The following ITGAE variants were observed in gnomAD, a reference collection of about 807,000 sequenced individuals.
ITGAE encodes integrin subunit alpha E.
In ITGAE, 99 loss-of-function variants were observed where a neutral mutation model predicts 136.5. That is an observed-to-expected ratio of 0.73 (90% CI 0.62 to 0.86). The LOEUF (loss-of-function observed/expected upper bound fraction) is 0.86, where lower values mean the gene tolerates loss of function less well. Ranked by LOEUF, ITGAE falls within the 40% of genes least tolerant of loss-of-function variation. The pLI is 0.00. For missense variants in ITGAE, 1,447 were observed against 1,515.3 expected (o/e 0.95, Z 0.75); for synonymous variants, 613 against 591.8 (o/e 1.04, Z -0.52).
At chr17:3,778,078 G>A (rs1488306893) in intron 1 of ITGAE, among the ~76,000 whole-genome samples, 2 of 151,962 alleles carry the variant, frequency 1.3e-5, no homozygotes, top group African/African-American at 2.4e-5. Flanking sequence ...ACGAGAAAAC[G>A]TATCCCCAAA....
chr17:3,781,507 C>T (rs1002395985), intron 1 of ITGAE, among the ~76,000 whole-genome samples: 4 of 152,048 alleles, frequency 2.6e-5, no homozygotes, highest in African/African-American at 7.2e-5. Context: ...TACAGGCACC[C>T]GCCATCATGC....
chr17:3,790,012 G>C (rs1424589627), intron 1 of ITGAE, among the ~76,000 whole-genome samples: 1 of 152,048 alleles, frequency 6.6e-6, no homozygotes, highest in Non-Finnish European at 1.5e-5. Flanking sequence ...TTTACAATTA[G>C]GCTGACACCA....
intron 22 of ITGAE, among the ~76,000 whole-genome samples, chr17:3,731,898 C>A (rs1193478928): frequency 1.3e-5 from 2 of 151,534 alleles, no homozygotes; most frequent in Non-Finnish European, 2.9e-5. Flanking sequence ...CATGGTGAAA[C>A]CCCATCTCTA....
intron 1 of ITGAE, among the ~76,000 whole-genome samples, chr17:3,790,487 T>C (rs562103434): frequency 5.3e-5 from 8 of 150,376 alleles, no homozygotes; most frequent in Middle Eastern, 3.4e-3. Context: ...AGCCTGGTGA[T>C]AGAGCAAGAC....
intron 2 of ITGAE, among the ~76,000 whole-genome samples, chr17:3,772,525 G>A (rs12946545): frequency 0.12 from 18,315 of 147,776 alleles, 1,633 homozygotes; most frequent in African/African-American, 0.23. Flanking sequence ...GTGCAGTGGC[G>A]CGATCTCGGC....
At chr17:3,797,253 C>T (rs2053137101) in intron 1 of ITGAE, among the ~76,000 whole-genome samples, 2 of 148,722 alleles carry the variant, frequency 1.3e-5, no homozygotes, top group African/African-American at 2.5e-5. Flanking sequence ...GCAAGCTCCG[C>T]CTCCCGGGTT....
intron 8 of ITGAE, 95 bp from the exon 9 acceptor site, chr17:3,757,954 G>A: frequency 7.0e-7 from 1 of 1,434,700 alleles, no homozygotes; most frequent in Non-Finnish European, 9.6e-7. Flanking sequence ...TTAGAATTGG[G>A]AGGGTTCACA....
At chr17:3,746,560 A>G (rs941757544) in intron 17 of ITGAE, among the ~76,000 whole-genome samples, 5 of 149,676 alleles carry the variant, frequency 3.3e-5, no homozygotes, top group Non-Finnish European at 5.9e-5. Flanking sequence ...GGTTCACACC[A>G]TTCTCCTGCC....
intron 1 of ITGAE, among the ~76,000 whole-genome samples, chr17:3,785,103 G>A (rs1419750438): frequency 6.6e-6 from 1 of 152,066 alleles, no homozygotes; most frequent in Non-Finnish European, 1.5e-5. Flanking sequence ...AGTGAGCCAA[G>A]ATTGTATCAC....
chr17:3,779,742 G>A (rs1180959955), intron 1 of ITGAE, among the ~76,000 whole-genome samples: 1 of 152,194 alleles, frequency 6.6e-6, no homozygotes, highest in Non-Finnish European at 1.5e-5. Flanking sequence ...TTTAAGTGTA[G>A]TGATGTGGTT....
At chr17:3,785,230 A>G (rs1475343407) in intron 1 of ITGAE, among the ~76,000 whole-genome samples, 1 of 152,142 alleles carries the variant, frequency 6.6e-6, no homozygotes, top group African/African-American at 2.4e-5. Context: ...GCACTTTGGG[A>G]GGCCGAGGCA....
chr17:3,779,904 G>T (rs999572316), intron 1 of ITGAE, among the ~76,000 whole-genome samples: 1 of 152,196 alleles, frequency 6.6e-6, no homozygotes. Context: ...ATCTCCCCCA[G>T]TGTTGCCTGG....
rs776276903 is a variant in ITGAE, at chr17:3,777,655, C to T, written c.40G>A (p.Ala14Thr). ...TCCACATTGAAAGCGGCCAGCAGGG[C>T]CAGGCCTGTAGGGAAAAGAGGAGCG... ...FHTLLCIASLALLAAFNVDVA... is the reference protein window; with the variant it reads ...FHTLLCIASLTLLAAFNVDVA... The change falls in exon 2 of 31, where the codon GCC (alanine) becomes ACC (threonine). Residue 14 changes from alanine to threonine, a missense_variant. This residue lies in a region of ITGAE where 106 missense variants were observed against 87.8 expected (regional missense o/e 1.21). Coordinates refer to ENST00000263087, the MANE Select transcript of ITGAE (RefSeq NM_002208.5). 1.9e-6 allele frequency: 3 copies of T among 1,611,854 alleles called. No individual in the cohort carries two copies. Among genetic ancestry groups the T allele is most frequent in the Non-Finnish European group, 2.5e-6 (3 of 1,179,076 alleles).
At chr17:3,772,076 C>T (rs2054189499) in intron 2 of ITGAE, among the ~76,000 whole-genome samples, 1 of 152,186 alleles carries the variant, frequency 6.6e-6, no homozygotes, top group South Asian at 2.1e-4. Flanking sequence ...TCTCAGTTTC[C>T]TGACCTTACT....
intron 2 of ITGAE, among the ~76,000 whole-genome samples, chr17:3,777,116 T>A (rs1264796513): frequency 8.5e-5 from 13 of 152,110 alleles, no homozygotes; most frequent in African/African-American, 1.7e-4. Context: ...GCCCGCCTCC[T>A]CGCCTGGCTA....
rs2050914688 is a variant in ITGAE at position 3,714,937 on chromosome 17, GCCA to G, written c.3447_3449del (p.Gly1150del). ...GTTGTTGATATTTTCTTTTAAAAAA[GCCA>G]CACTGAAACAAAGGAAGGAAAAGTC... is the stretch of plus-strand genomic sequence containing the variant. On this transcript the variant is annotated inframe_deletion and splice_region_variant, in exon 31 of 31. Coordinates refer to ENST00000263087, the MANE Select transcript of ITGAE (RefSeq NM_002208.5). 6.3e-7 allele frequency: 1 copy of G among 1,593,708 alleles called. No individual in the cohort carries two copies. The highest frequency in any genetic ancestry group is 1.3e-5 in the African/African-American group (1 of 74,560).
intron 1 of ITGAE, among the ~76,000 whole-genome samples, chr17:3,782,399 CTCT>C (rs1371933129): frequency 1.4e-5 from 2 of 145,460 alleles, no homozygotes; most frequent in Admixed American, 1.4e-4. Context: ...TGGAGTTTCG[CTCT>C]TGTCGCCCGA....
intron 1 of ITGAE, among the ~76,000 whole-genome samples, chr17:3,789,934 T>C (rs1567560539): frequency 6.6e-6 from 1 of 151,628 alleles, no homozygotes; most frequent in Non-Finnish European, 1.5e-5. Flanking sequence ...CCTAATGAAA[T>C]ACAATAATTA....
chr17:3,770,905 G>A (rs2052405618), intron 2 of ITGAE, among the ~76,000 whole-genome samples: 1 of 152,138 alleles, frequency 6.6e-6, no homozygotes, highest in Non-Finnish European at 1.5e-5. Flanking sequence ...GGGTCGCTGG[G>A]TATTGGTGGG....
Sources: allele counts gnomAD v4.1 joint callset (sites outside exome capture counted in the v4.1 genomes callset), GRCh38; gene constraint gnomAD v4.1.1; regional missense constraint gnomAD v4.1.1; transcripts MANE v1.5; gene names NCBI Gene and HGNC (gene_info 2026-07-23, HGNC 2026-07-21).